Variants in RYR3 observed in about 807,000 individuals in gnomAD.
RYR3 encodes the protein ryanodine receptor 3.
Under a neutral mutation model 584.3 loss-of-function variants are expected in RYR3, and 207 were observed. The observed-to-expected ratio is 0.35, with a 90% CI of 0.32 to 0.40. RYR3 has a LOEUF of 0.40. Ranked by LOEUF, RYR3 falls within the 10% of genes least tolerant of loss-of-function variation. The pLI, the probability that RYR3 is intolerant of heterozygous loss-of-function variation, is 1.00. For missense variants in RYR3, 5,616 were observed against 6,089.2 expected, an observed-to-expected ratio of 0.92 and a Z score of 2.59; for synonymous variants, 2,416 against 2,248.5, an observed-to-expected ratio of 1.07 and a Z score of -2.11.
chr15:33,364,843 A>G (rs769498257), intron 1 of RYR3, among the ~76,000 whole-genome samples: 3 of 152,242 alleles, frequency 2.0e-5, no homozygotes, highest in Non-Finnish European at 4.4e-5. Context: ...AGAAAAGAGC[A>G]GTAGATGTAA....
rs1890152289 is a variant in RYR3, at chr15:33,865,362, C to G, written c.*136C>G. 2 of 654,752 alleles carry G rather than the reference C, an allele frequency of 3.1e-6. No individual in the cohort carries two copies. The highest frequency in any genetic ancestry group is 4.1e-5 in the South Asian group (2 of 48,544). The allele number at this position is 654,752 out of a possible 1,614,324, so 40.6% of individuals were successfully genotyped here. ...CCTTAAAAAAAAAACTGCTGAAAAT[C>G]TGTGCTATTTTGAAATTGATTTGGC... On this transcript the variant is annotated 3_prime_UTR_variant, in exon 104 of 104. Coordinates refer to ENST00000634891, the MANE Select transcript of RYR3 (RefSeq NM_001036.6).
chr15:33,417,962 C>A (rs924341904), intron 1 of RYR3, among the ~76,000 whole-genome samples: 4 of 152,060 alleles, frequency 2.6e-5, no homozygotes, highest in African/African-American at 9.7e-5. Context: ...TTTAATTCTA[C>A]TTATGTGGTG....
chr15:33,838,713 G>A lies in RYR3; in HGVS notation c.12733G>A (p.Asp4245Asn). 6.2e-7 allele frequency: 1 copy of A among 1,613,950 alleles called. No homozygotes were observed. The highest frequency in any genetic ancestry group is 8.5e-7 in the Non-Finnish European group (1 of 1,179,874). The change falls in exon 89 of 104, where the codon GAT becomes AAT. Residue 4245 changes from aspartate (D) to asparagine (N), a missense_variant. Asp to Asn is a conservative substitution (Grantham distance 23). This residue lies in a region of RYR3 where 918 missense variants were observed against 887.4 expected (regional missense o/e 1.03). Transcript: ENST00000634891. ...TGACCCAACCCAATTTGGTATCCAT[G>A]ATGACACTATGGAGGCTGAGAGGGC... ...MPDPTQFGIHDDTMEAERAEV... is the reference protein window; with the variant it reads ...MPDPTQFGIHNDTMEAERAEV...
intron 9 of RYR3, among the ~76,000 whole-genome samples, chr15:33,549,124 G>T (rs2056476677): frequency 6.6e-6 from 1 of 152,120 alleles, no homozygotes. Context: ...CGGTTTTAAG[G>T]AGCGTGCACT....
At chr15:33,599,126 C>G (rs2059539189) in intron 16 of RYR3, among the ~76,000 whole-genome samples, 1 of 152,098 alleles carries the variant, frequency 6.6e-6, no homozygotes. Context: ...ATTAGGGATT[C>G]TCTGGAGGGA....
intron 3 of RYR3, among the ~76,000 whole-genome samples, chr15:33,516,186 T>C (rs1470227925): frequency 6.6e-6 from 1 of 152,188 alleles, no homozygotes; most frequent in Non-Finnish European, 1.5e-5. Context: ...GAGATTTCTG[T>C]ATTCCAGCTT....
At chr15:33,626,386 A>G (rs2060987679) in intron 20 of RYR3, among the ~76,000 whole-genome samples, 1 of 152,212 alleles carries the variant, frequency 6.6e-6, no homozygotes, top group Non-Finnish European at 1.5e-5. Flanking sequence ...GATTTAGGGT[A>G]TCTGGGGGAA....
chr15:33,435,338 T>C (rs2045581080), intron 1 of RYR3, among the ~76,000 whole-genome samples: 1 of 130,596 alleles, frequency 7.7e-6, no homozygotes, highest in Admixed American at 7.2e-5. Flanking sequence ...GTTAATGTTG[T>C]GAGTTTCACG....
At position 33,550,329 on chromosome 15, in the gene RYR3, A is replaced by G. The variant is rs1179209888; in HGVS notation, c.972+13A>G. ...CCGGGCATCAAAGGTAAGGTGTGAT[A>G]AAGTGGACTTTGACCCTGTTCTAAA... On this transcript the variant is annotated intron_variant, in intron 10 of 103. Coordinates refer to ENST00000634891, the MANE Select transcript of RYR3 (RefSeq NM_001036.6). 6.2e-7 allele frequency: 1 copy of G among 1,609,466 alleles called. No homozygotes were observed. The highest frequency in any genetic ancestry group is 1.3e-5 in the African/African-American group (1 of 74,946).
At chr15:33,779,656 CT>C (rs2074255993) in intron 64 of RYR3, among the ~76,000 whole-genome samples, 1 of 152,130 alleles carries the variant, frequency 6.6e-6, no homozygotes, top group Non-Finnish European at 1.5e-5. Flanking sequence ...CTCACACATG[CT>C]GGGAGAGAGG....
Position 33,490,417 on chromosome 15 carries a change from A to C in RYR3, c.172-13214A>C, listed in dbSNP as rs574695229. On this transcript the variant is annotated intron_variant, in intron 2 of 103. Transcript: ENST00000634891. ...GCCCTACTTTAATACTTCACTGTAC[A>C]TCCCAAGATATTTCTACTTCAAAAT... is the stretch of plus-strand genomic sequence containing the variant. Among the ~76,000 whole-genome samples the C allele has an allele frequency of 2.0e-5, 3 of 152,290 alleles. No homozygotes were observed. In the South Asian group the frequency reaches 6.2e-4, roughly 32 times the overall value.
Position 33,443,972 on chromosome 15 carries a change from C to T in RYR3, c.52-29447C>T, listed in dbSNP as rs889921041. ...GCAGGAGGCAGCCACCATGTGAAAT[C>T]TACTTACTCACACCCTGTAGGTTAT... On this transcript the variant is annotated intron_variant, in intron 1 of 103. Transcript: ENST00000634891. Among the ~76,000 whole-genome samples, 7 of 152,208 alleles carry T rather than the reference C, an allele frequency of 4.6e-5. No homozygotes were observed. The East Asian group carries it at 1.3e-3, about 29-fold the overall frequency.
intron 1 of RYR3, among the ~76,000 whole-genome samples, chr15:33,431,320 T>A (rs149794499): frequency 6.6e-6 from 1 of 152,138 alleles, no homozygotes; most frequent in Non-Finnish European, 1.5e-5. Context: ...CTAAGATGCA[T>A]TGAGTGGGGA....
chr15:33,662,614 C>T lies in RYR3; in HGVS notation c.5084C>T (p.Ala1695Val), dbSNP rs2063232187. ...EIPLESLRTKALSMLTEAVQC... is the reference protein window; with the variant it reads ...EIPLESLRTKVLSMLTEAVQC... ...CCCTTGGAGAGTCTCAGGACGAAGG[C>T]TCTGAGTATGCTGACAGAGGCAGTG... Residue 1695 changes from alanine to valine, a missense_variant, in exon 35 of 104, where the codon GCT (alanine) becomes GTT (valine). This residue lies in a region of RYR3 where 753 missense variants were observed against 741.0 expected (regional missense o/e 1.02). Coordinates refer to ENST00000634891, the MANE Select transcript of RYR3 (RefSeq NM_001036.6). The T allele has an allele frequency of 6.2e-7, 1 of 1,613,962 alleles. No individual in the cohort carries two copies. Among genetic ancestry groups the T allele is most frequent in the Non-Finnish European group, 8.5e-7 (1 of 1,179,886 alleles).
intron 2 of RYR3, among the ~76,000 whole-genome samples, chr15:33,489,388 C>T (rs955907960): frequency 3.9e-5 from 6 of 152,178 alleles, no homozygotes; most frequent in African/African-American, 1.4e-4. Flanking sequence ...AGACCCATGT[C>T]TGTTGTTTCC....
intron 12 of RYR3, among the ~76,000 whole-genome samples, chr15:33,578,774 A>C (rs111509323): frequency 4.3e-5 from 6 of 140,116 alleles, no homozygotes; most frequent in Non-Finnish European, 7.5e-5. Flanking sequence ...ATAAAAAAAA[A>C]AAAACAACAA....
chr15:33,613,594 G>A (rs1190777023), intron 19 of RYR3, among the ~76,000 whole-genome samples: 2 of 152,228 alleles, frequency 1.3e-5, no homozygotes, highest in Non-Finnish European at 2.9e-5. Flanking sequence ...CAGATAAACA[G>A]TAAGATTAAT....
chr15:33,680,706 A>G (rs2064532384), intron 38 of RYR3, among the ~76,000 whole-genome samples: 1 of 152,228 alleles, frequency 6.6e-6, no homozygotes, highest in Admixed American at 6.5e-5. Context: ...GGGTCATTTT[A>G]CATTCCTGAG....
intron 43 of RYR3, 74 bp downstream of exon 43, chr15:33,707,128 T>C (rs1236693310): frequency 5.9e-6 from 9 of 1,529,492 alleles, no homozygotes; most frequent in Non-Finnish European, 8.1e-6. Flanking sequence ...GAAAAGGATA[T>C]CCTTTCCATT....
Sources: allele counts gnomAD v4.1 joint callset (sites outside exome capture counted in the v4.1 genomes callset), GRCh38; gene constraint gnomAD v4.1.1; regional missense constraint gnomAD v4.1.1; transcripts MANE v1.5; gene names NCBI Gene and HGNC (gene_info 2026-07-23, HGNC 2026-07-21).